HDAC9: variants seen among roughly 807,000 people sequenced by gnomAD.
HDAC9 encodes the protein histone deacetylase 9.
Under a neutral mutation model 139.4 loss-of-function variants are expected in HDAC9, and 41 were observed. The observed-to-expected ratio is 0.29, with a 90% CI of 0.23 to 0.38. The LOEUF (loss-of-function observed/expected upper bound fraction) is 0.38, where lower values mean the gene tolerates loss of function less well. HDAC9 is among the 10% of genes least tolerant of loss of function. The pLI is 1.00. For synonymous variants in HDAC9, 517 were observed against 476.2 expected, an observed-to-expected ratio of 1.09 and a Z score of -1.12; for missense variants, 1,147 against 1,297.0, an observed-to-expected ratio of 0.88 and a Z score of 1.78.
intron 13 of HDAC9, among the ~76,000 whole-genome samples, chr7:18,739,272 C>G (rs148336970): frequency 1.6e-4 from 25 of 152,316 alleles, no homozygotes; most frequent in African/African-American, 6.0e-4. Flanking sequence ...GTCAACTTGA[C>G]AAATCATTCT....
chr7:18,736,019 G>A (rs994046031), intron 13 of HDAC9, among the ~76,000 whole-genome samples: 4 of 152,132 alleles, frequency 2.6e-5, no homozygotes, highest in African/African-American at 7.2e-5. Flanking sequence ...GTTCACTCAC[G>A]ATTTGACTCT....
intron 17 of HDAC9, among the ~76,000 whole-genome samples, chr7:18,821,144 G>A (rs1236037398): frequency 6.6e-6 from 1 of 152,190 alleles, no homozygotes; most frequent in East Asian, 1.9e-4. Context: ...CCCACCAAAG[G>A]CTGCAAGAAG....
At chr7:18,716,841 C>A (rs1320090933) in intron 12 of HDAC9, among the ~76,000 whole-genome samples, 1 of 152,088 alleles carries the variant, frequency 6.6e-6, no homozygotes, top group Admixed American at 6.6e-5. Flanking sequence ...AATCCAATTC[C>A]CTCTGCTTCT....
chr7:18,437,761 A>T (rs989835512), intron 1 of HDAC9, among the ~76,000 whole-genome samples: 3 of 151,668 alleles, frequency 2.0e-5, no homozygotes, highest in African/African-American at 7.2e-5. Flanking sequence ...TAAAAATATT[A>T]TTAAAAGTTT....
intron 11 of HDAC9, among the ~76,000 whole-genome samples, chr7:18,665,558 C>G (rs1794607553): frequency 1.3e-5 from 2 of 151,960 alleles, no homozygotes. Context: ...TTTCCTGATT[C>G]TTTTCTAATA....
intron 24 of HDAC9, among the ~76,000 whole-genome samples, chr7:18,966,419 G>A (rs530823316): frequency 1.3e-5 from 2 of 152,260 alleles, no homozygotes; most frequent in South Asian, 4.1e-4. Context: ...ATAGAGTTAG[G>A]GGTCGGGAGC....
At chr7:18,351,278 C>G (rs1157077026) in intron 1 of HDAC9, among the ~76,000 whole-genome samples, 1 of 152,008 alleles carries the variant, frequency 6.6e-6, no homozygotes, top group Non-Finnish European at 1.5e-5. Flanking sequence ...TAACATTTTT[C>G]CATGTTGCTT....
chr7:18,586,468 A>G (rs1829495813), intron 3 of HDAC9, among the ~76,000 whole-genome samples: 1 of 152,078 alleles, frequency 6.6e-6, no homozygotes, highest in Non-Finnish European at 1.5e-5. Context: ...GTTATCTCAT[A>G]CTTTATTGTT....
intron 24 of HDAC9, among the ~76,000 whole-genome samples, chr7:18,964,142 A>C (rs1783700783): frequency 6.6e-6 from 1 of 152,090 alleles, no homozygotes; most frequent in Admixed American, 6.5e-5. Flanking sequence ...TACAATTACC[A>C]AACCTAAATG....
rs1465568568 is a variant in HDAC9 at position 18,401,136 on chromosome 7, G to GA, written c.-41-95122dup. Among the ~76,000 whole-genome samples the GA allele has an allele frequency of 2.0e-5, 3 of 152,172 alleles. No individual in the cohort carries two copies. The South Asian group carries it at 6.2e-4, about 32-fold the overall frequency. On this transcript the variant is annotated intron_variant, in intron 1 of 3. Coordinates refer to the HDAC9 transcript ENST00000413509. The stretch of plus-strand genomic sequence containing the variant: ...ATGGCATGTCAAAGGTTTTCTCTTT[G>GA]AAAAGTGCTTTTAGTTGGTATTTTT...
At position 18,669,610 on chromosome 7, in the gene HDAC9, C is replaced by G. The variant is rs143469755; in HGVS notation, c.1731+3134C>G. Among the ~76,000 whole-genome samples the G allele has an allele frequency of 4.4e-3, 674 of 151,878 alleles. 7 individuals carry two copies. Among genetic ancestry groups the G allele is most frequent in the Middle Eastern group, 0.014 (4 of 294 alleles). ...TACCATTATTGCTAATTATAATTTC[C>G]TGAAATTTGCCTTTGAACTATAAAA... On this transcript the variant is annotated intron_variant, in intron 12 of 25. Coordinates refer to ENST00000686413, the MANE Select transcript of HDAC9 (RefSeq NM_178425.4).
At chr7:18,608,865 A>C (rs1433802710) in intron 6 of HDAC9, among the ~76,000 whole-genome samples, 2 of 152,178 alleles carry the variant, frequency 1.3e-5, no homozygotes, top group Non-Finnish European at 2.9e-5. Flanking sequence ...TTGATACTTT[A>C]ATTCAGCAGT....
intron 2 of HDAC9, among the ~76,000 whole-genome samples, chr7:18,513,293 T>C (rs1337485559): frequency 1.3e-5 from 2 of 152,212 alleles, no homozygotes; most frequent in Admixed American, 1.3e-4. Context: ...AAGTACACAA[T>C]GTTTATCTAG....
chr7:18,172,153 T>A (rs1788502379), intron 2 of HDAC9, among the ~76,000 whole-genome samples: 2 of 152,242 alleles, frequency 1.3e-5, no homozygotes, highest in African/African-American at 4.8e-5. Context: ...AGGTTCAACT[T>A]CTTCCTTGTT....
At chr7:18,383,802 T>G in intron 1 of HDAC9, among the ~76,000 whole-genome samples, 1 of 148,980 alleles carries the variant, frequency 6.7e-6, no homozygotes, top group Non-Finnish European at 1.5e-5. Context: ...GGCAGGAGAA[T>G]GGCGTGAACC....
At chr7:18,667,954 G>C in intron 12 of HDAC9, 1 of 975,970 alleles carries the variant, frequency 1.0e-6, no homozygotes, top group Non-Finnish European at 1.2e-6. Flanking sequence ...ATCTTTGTGA[G>C]GTTTTTTCTA....
chr7:18,463,836 GTAAT>G (rs1794051627), intron 1 of HDAC9, among the ~76,000 whole-genome samples: 1 of 151,858 alleles, frequency 6.6e-6, no homozygotes. Context: ...ACTTATGAGT[GTAAT>G]ACTTGTCAAA....
At chr7:18,611,669 T>G (rs971516657) in intron 6 of HDAC9, among the ~76,000 whole-genome samples, 17 of 152,202 alleles carry the variant, frequency 1.1e-4, no homozygotes, top group Admixed American at 7.9e-4. Context: ...ATATCTAATA[T>G]CATTGAGAAT....
At chr7:18,233,085 T>A (rs1793575670) in intron 2 of HDAC9, among the ~76,000 whole-genome samples, 1 of 152,144 alleles carries the variant, frequency 6.6e-6, no homozygotes, top group Non-Finnish European at 1.5e-5. Flanking sequence ...GAGAAGCATG[T>A]CTAGAGGTTT....
Sources: allele counts gnomAD v4.1 joint callset (sites outside exome capture counted in the v4.1 genomes callset), GRCh38; gene constraint gnomAD v4.1.1; transcripts MANE v1.5; gene names NCBI Gene and HGNC (gene_info 2026-07-23, HGNC 2026-07-21).